Variants in ACTN2 observed in about 807,000 individuals in gnomAD.
The protein encoded by ACTN2 is actinin alpha 2.
Under a neutral mutation model 113.8 loss-of-function variants are expected in ACTN2, and 39 were observed. The observed-to-expected ratio is 0.34, with a 90% confidence interval of 0.27 to 0.45. The LOEUF is 0.45. Among genes scored for constraint, ACTN2 ranks in the 20% least tolerant of loss-of-function variants. ACTN2 has a pLI of 1.00. For missense variants in ACTN2, 992 were observed against 1,177.9 expected, an observed-to-expected ratio of 0.84 and a Z score of 2.31; for synonymous variants, 429 against 444.1, an observed-to-expected ratio of 0.97 and a Z score of 0.43.
chr1:236,732,789 C>A (rs1658751211), intron 7 of ACTN2, among the ~76,000 whole-genome samples: 2 of 152,210 alleles, frequency 1.3e-5, no homozygotes, highest in South Asian at 4.1e-4. Flanking sequence ...CATTAAGGGC[C>A]CATCCTACTC....
intron 3 of ACTN2, 137 bp from the exon 4 acceptor site, chr1:236,719,968 C>T (rs891965106): frequency 8.8e-6 from 6 of 683,936 alleles, no homozygotes; most frequent in Non-Finnish European, 1.3e-5. Context: ...TACTGCGGTG[C>T]TTATAAAAAC....
At position 236,689,300 on chromosome 1, in the gene ACTN2, G is replaced by GAT. The variant is rs57239117; in HGVS notation, c.126+2539_126+2540dup. On this transcript the variant is annotated intron_variant, in intron 1 of 20. Coordinates refer to ENST00000366578, the MANE Select transcript of ACTN2 (RefSeq NM_001103.4). ...AAAATGCCTGCAGTATTACAGATGT[G>GAT]ATATATATATATATATATATATATA... Among the ~76,000 whole-genome samples, 441 of 122,486 alleles carry GAT rather than the reference G, an allele frequency of 3.6e-3. 1 individual carries two copies. The highest frequency in any genetic ancestry group is 9.3e-3 in the East Asian group (41 of 4,390). 80.4% of individuals were successfully genotyped at this position (122,486 alleles called of 152,430 possible). A position where few individuals can be genotyped will look rare whatever the true frequency, so the allele number is the denominator to read the frequency against.
At chr1:236,742,721 T>C (rs563590382) in intron 10 of ACTN2, among the ~76,000 whole-genome samples, 175 bp from the exon 11 acceptor site, 2 of 152,264 alleles carry the variant, frequency 1.3e-5, no homozygotes, top group African/African-American at 4.8e-5. Flanking sequence ...AATTAAGACA[T>C]TTGGAAGCCA....
At chr1:236,730,181 A>T (rs1254134594) in intron 6 of ACTN2, among the ~76,000 whole-genome samples, 1 of 152,218 alleles carries the variant, frequency 6.6e-6, no homozygotes, top group Non-Finnish European at 1.5e-5. Context: ...CTTAATTGGC[A>T]CATTTTATCA....
intron 1 of ACTN2, among the ~76,000 whole-genome samples, chr1:236,713,078 A>G (rs932864361): frequency 6.6e-6 from 1 of 152,052 alleles, no homozygotes; most frequent in African/African-American, 2.4e-5. Flanking sequence ...TAACTTAATT[A>G]TCCGGAAACA....
At chr1:236,717,738 GC>G in intron 1 of ACTN2, 119 bp from the exon 2 acceptor site, 1 of 738,412 alleles carries the variant, frequency 1.4e-6, no homozygotes, top group South Asian at 1.5e-5. Context: ...TCCTCTAGAA[GC>G]CCAAGCAGCC....
chr1:236,734,277 G>A (rs912395884), intron 7 of ACTN2, among the ~76,000 whole-genome samples: 4 of 152,184 alleles, frequency 2.6e-5, no homozygotes, highest in African/African-American at 9.7e-5. Context: ...TCCCTTTGCA[G>A]GTGTGACTTC....
chr1:236,709,239 T>TAC (rs1657928175), intron 1 of ACTN2, among the ~76,000 whole-genome samples: 1 of 85,114 alleles, frequency 1.2e-5, no homozygotes, highest in African/African-American at 3.6e-5. Flanking sequence ...TATATATATA[T>TAC]ATATATATAT....
chr1:236,721,015 G>GGGTTTTTTTTTTTTTTTTTTTTTTTTT, intron 4 of ACTN2, among the ~76,000 whole-genome samples: 1 of 49,138 alleles, frequency 2.0e-5, no homozygotes, highest in Non-Finnish European at 3.4e-5. Context: ...TCTGGTTTTT[G>GGGTTTTTTTTTTTTTTTTTTTTTTTTT]TTTTTTGTTT....
rs998040511 is a variant in ACTN2 at position 236,734,334 on chromosome 1, G to C, written c.698-1301G>C. Reference sequence around the variant, plus strand: ...AGGAACATAAGTGTATGGGGGCGAAGGGGGAGGATTCCTGATTCCAACACC... The same window carrying C: ...AGGAACATAAGTGTATGGGGGCGAACGGGGAGGATTCCTGATTCCAACACC... On this transcript the variant is annotated intron_variant, in intron 7 of 20. Transcript: ENST00000366578. 9.0e-5 allele frequency: 72 copies of C among 796,352 alleles called. 2 individuals are homozygous for C. Among genetic ancestry groups the C allele is most frequent in the South Asian group, 8.4e-4 (45 of 53,828 alleles). The allele number at this position is 796,352 out of a possible 1,614,324, so 49.3% of individuals were successfully genotyped here.
At chr1:236,719,051 A>C (rs1658305334) in intron 3 of ACTN2, 38 bp downstream of exon 3, 2 of 1,612,410 alleles carry the variant, frequency 1.2e-6, no homozygotes, top group Non-Finnish European at 8.5e-7. Flanking sequence ...TGCCACACTG[A>C]CCTAATAGCG....
intron 13 of ACTN2, 114 bp from the exon 14 acceptor site, chr1:236,749,010 T>A: frequency 1.7e-6 from 2 of 1,195,018 alleles, no homozygotes; most frequent in Middle Eastern, 4.7e-4. Context: ...AGACACATGC[T>A]AATACGATTA....
At chr1:236,698,222 C>T (rs1396012725) in intron 1 of ACTN2, among the ~76,000 whole-genome samples, 1 of 20,014 alleles carries the variant, frequency 5.0e-5, no homozygotes, top group African/African-American at 9.3e-5. Flanking sequence ...TGTAAGATGC[C>T]TTAAAAAAAA....
rs1050379370 is a variant in ACTN2, at chr1:236,725,826, C to G, written c.449-107C>G. On this transcript the variant is annotated intron_variant, in intron 4 of 20. Coordinates refer to ENST00000366578, the MANE Select transcript of ACTN2 (RefSeq NM_001103.4). Reference sequence around the variant, plus strand: ...CACTTGCCGAGGCTGTAGGAAGAGACCCCCTGGGTGATCGACCCCCTGGGA... The same window carrying G: ...CACTTGCCGAGGCTGTAGGAAGAGAGCCCCTGGGTGATCGACCCCCTGGGA... 7 of 953,614 alleles carry G rather than the reference C, an allele frequency of 7.3e-6. No individual in the cohort carries two copies. In the East Asian group the frequency reaches 1.7e-4, roughly 23 times the overall value. 59.1% of individuals were successfully genotyped at this position (953,614 alleles called of 1,614,324 possible). A position where few individuals can be genotyped will look rare whatever the true frequency, so the allele number is the denominator to read the frequency against.
At chr1:236,721,501 AT>A (rs1165481012) in intron 4 of ACTN2, among the ~76,000 whole-genome samples, 3 of 152,130 alleles carry the variant, frequency 2.0e-5, no homozygotes, top group Admixed American at 6.5e-5. Flanking sequence ...CTAAAATCTA[AT>A]GGCATTAAAA....
intron 18 of ACTN2, 80 bp downstream of exon 18, chr1:236,757,712 T>A: frequency 6.4e-7 from 1 of 1,562,124 alleles, no homozygotes. Flanking sequence ...GCTCTCGTTT[T>A]AAGTCTTAAG....
intron 1 of ACTN2, among the ~76,000 whole-genome samples, chr1:236,693,821 A>G (rs764817486): frequency 4.0e-5 from 6 of 151,870 alleles, no homozygotes; most frequent in Non-Finnish European, 7.4e-5. Context: ...TGGTTGTGAT[A>G]TTTTCCTGAT....
At chr1:236,752,935 CAA>C (rs1379131199) in intron 15 of ACTN2, among the ~76,000 whole-genome samples, 1 of 152,086 alleles carries the variant, frequency 6.6e-6, no homozygotes, top group Non-Finnish European at 1.5e-5. Context: ...TTAAAGAAAA[CAA>C]AAAGACAATA....
At chr1:236,737,093 C>A in intron 8 of ACTN2, 29 bp from the exon 9 acceptor site, 1 of 1,573,660 alleles carries the variant, frequency 6.4e-7, no homozygotes, top group Non-Finnish European at 8.7e-7. Context: ...GTCGACAGAG[C>A]CGTCCTGTTT....
Sources: gnomAD v4.1 joint callset for allele counts (sites outside exome capture counted in the v4.1 genomes callset) on GRCh38, gnomAD v4.1.1 for gene constraint, MANE v1.5 for transcripts, NCBI Gene and HGNC (gene_info 2026-07-23, HGNC 2026-07-21) for gene names.